Variants in ADGRG7 observed in about 807,000 individuals in gnomAD.
The protein encoded by ADGRG7 is G-protein coupled receptor 128.
ADGRG7 carries 82 observed loss-of-function variants against 88.6 expected under a neutral mutation model. The observed-to-expected ratio is 0.93, with a 90% CI of 0.77 to 1.11. ADGRG7 has a LOEUF of 1.11. ADGRG7 is among the 50% of genes most tolerant of loss of function. The probability of loss-of-function intolerance (pLI) is 0.00; values close to 1 mark genes in which losing one functional copy is unlikely to be tolerated. For synonymous variants in ADGRG7, 381 were observed against 345.2 expected (o/e 1.10, Z -1.15); for missense variants, 945 against 953.4 (o/e 0.99, Z 0.12).
intron 13 of ADGRG7, among the ~76,000 whole-genome samples, chr3:100,656,360 T>C (rs577215559): frequency 2.6e-5 from 4 of 152,200 alleles, no homozygotes; most frequent in Non-Finnish European, 5.9e-5. Context: ...ATTCCTGTTC[T>C]GGGGTTACTT....
At chr3:100,630,579 G>A (rs1173261400) in intron 2 of ADGRG7, 126 bp from the exon 3 acceptor site, 2 of 400,106 alleles carry the variant, frequency 5.0e-6, no homozygotes, top group Non-Finnish European at 8.7e-6. Context: ...TCACAGGCCA[G>A]TGGGTTCTAT....
intron 15 of ADGRG7, among the ~76,000 whole-genome samples, chr3:100,688,011 C>G (rs1319267839): frequency 4.6e-5 from 7 of 151,980 alleles, no homozygotes; most frequent in Admixed American, 2.6e-4. Context: ...TGGTACTGGA[C>G]TTTTTTTGGT....
intron 8 of ADGRG7, 119 bp from the exon 9 acceptor site, chr3:100,645,826 T>C: frequency 2.3e-6 from 2 of 880,552 alleles, no homozygotes; most frequent in Admixed American, 5.7e-5. Flanking sequence ...CAGTAAACCA[T>C]TTTTACTGTA....
At chr3:100,619,983 G>A (rs1487128572) in intron 1 of ADGRG7, among the ~76,000 whole-genome samples, 1 of 152,172 alleles carries the variant, frequency 6.6e-6, no homozygotes, top group Non-Finnish European at 1.5e-5. Flanking sequence ...AGAGGTATAA[G>A]GAGGAGCTGG....
At chr3:100,660,521 T>G (rs1006443289) in intron 14 of ADGRG7, among the ~76,000 whole-genome samples, 1 of 152,074 alleles carries the variant, frequency 6.6e-6, no homozygotes, top group South Asian at 2.1e-4. Flanking sequence ...AAGAGGCTGG[T>G]CTTGACCTCC....
In ADGRG7 at chr3:100,659,696, T is replaced by C. The variant is rs2094942571; in HGVS notation, c.1832T>C (p.Leu611Pro). ...LDYRQEKICW[L>P]AIPEPNGVIK... ...TTTTTTTTCCTCCACAGCTGCTGGC[T>C]GGCAATTCCAGAACCCAATGGTGTT... Residue 611 changes from leucine (L) to proline (P), a missense_variant, in exon 14 of 16, where the codon CTG (leucine) becomes CCG (proline). Leu to Pro is a moderately conservative substitution (Grantham distance 98, BLOSUM62 -3). Transcript: ENST00000273352. The C allele has an allele frequency of 1.1e-5, 17 of 1,613,352 alleles. No homozygotes were observed. The highest frequency in any genetic ancestry group is 1.4e-5 in the Non-Finnish European group (17 of 1,179,816).
At chr3:100,645,852 A>C in intron 8 of ADGRG7, 93 bp from the exon 9 acceptor site, 6 of 1,118,288 alleles carry the variant, frequency 5.4e-6, no homozygotes, top group Non-Finnish European at 7.7e-6. Flanking sequence ...CTCAAATATT[A>C]AGCAGCCATG....
chr3:100,636,985 CT>C (rs1707554014), intron 5 of ADGRG7, among the ~76,000 whole-genome samples: 1 of 152,084 alleles, frequency 6.6e-6, no homozygotes, highest in African/African-American at 2.4e-5. Context: ...TTTGTTTCTG[CT>C]TTTGAATCCA....
At chr3:100,630,655 A>T (rs1707447485) in intron 2 of ADGRG7, 50 bp from the exon 3 acceptor site, 1 of 921,582 alleles carries the variant, frequency 1.1e-6, no homozygotes, top group South Asian at 3.9e-5. Context: ...TCTGGTTTCA[A>T]TTTTTTTAAA....
In ADGRG7 at chr3:100,659,741, G is replaced by A. The variant is rs374537120; in HGVS notation, c.1877G>A (p.Trp626Ter). Residue 626 changes from tryptophan (W) to a stop codon, truncating the protein, a stop_gained, in exon 14 of 16, where the codon TGG becomes TAG. Coordinates refer to ENST00000273352, the MANE Select transcript of ADGRG7 (RefSeq NM_032787.3). LOFTEE classifies it high-confidence loss of function. Reference sequence around the variant, plus strand: ...GGTGTTATAAAAAGTCCGCTGTTGTGGTCATTCATCGTACCTGTAACCATT... The same window carrying A: ...GGTGTTATAAAAAGTCCGCTGTTGTAGTCATTCATCGTACCTGTAACCATT... ...PNGVIKSPLL[W>*]SFIVPVTIIL... The A allele has an allele frequency of 5.3e-5, 86 of 1,613,866 alleles. No individual in the cohort carries two copies. Among genetic ancestry groups the A allele is most frequent in the Non-Finnish European group, 7.3e-5 (86 of 1,179,978 alleles).
At chr3:100,610,254 A>G (rs1707128343) in intron 1 of ADGRG7, among the ~76,000 whole-genome samples, 1 of 152,240 alleles carries the variant, frequency 6.6e-6, no homozygotes, top group South Asian at 2.1e-4. Flanking sequence ...AGTAATAATT[A>G]AAACGATTAG....
intron 15 of ADGRG7, among the ~76,000 whole-genome samples, chr3:100,694,035 C>T (rs952128305): frequency 1.5e-4 from 23 of 152,114 alleles, no homozygotes; most frequent in African/African-American, 5.3e-4. Context: ...GTTGGGTGAT[C>T]GTGGACAAAC....
At chr3:100,641,193 C>A (rs1707636819) in intron 6 of ADGRG7, among the ~76,000 whole-genome samples, 1 of 152,008 alleles carries the variant, frequency 6.6e-6, no homozygotes, top group African/African-American at 2.4e-5. Flanking sequence ...CTGGGAAGCA[C>A]AAATTCCAAA....
In ADGRG7 at chr3:100,669,393, G is replaced by A. The variant is rs545768731; in HGVS notation, c.2136+288G>A. Reference sequence around the variant, plus strand: ...AGTCCCAGCTAGGGAGTAGTCTCCTGTAGTCTCCTCCTACTGTAATCTCCT... The same window carrying A: ...AGTCCCAGCTAGGGAGTAGTCTCCTATAGTCTCCTCCTACTGTAATCTCCT... On this transcript the variant is annotated intron_variant, in intron 15 of 15. Coordinates refer to ENST00000273352, the MANE Select transcript of ADGRG7 (RefSeq NM_032787.3). Among the ~76,000 whole-genome samples the A allele has an allele frequency of 1.1e-4, 16 of 152,082 alleles. 1 individual carries two copies. The highest frequency in any genetic ancestry group is 3.6e-4 in the African/African-American group (15 of 41,482).
chr3:100,648,290 T>C (rs1707790143), intron 10 of ADGRG7, among the ~76,000 whole-genome samples: 1 of 140,730 alleles, frequency 7.1e-6, no homozygotes, highest in African/African-American at 2.5e-5. Flanking sequence ...GCATTATTTT[T>C]TTAAATGGCT....
intron 14 of ADGRG7, chr3:100,664,960 C>A (rs761016172): frequency 6.5e-5 from 23 of 354,820 alleles, no homozygotes; most frequent in Non-Finnish European, 1.2e-4. Flanking sequence ...CTGTAAGTAA[C>A]AATGCATTTT....
rs542195251 is a variant in ADGRG7 at position 100,680,412 on chromosome 3, C to A, written c.2136+11307C>A. Among the ~76,000 whole-genome samples, 16 of 152,230 alleles carry A rather than the reference C, an allele frequency of 1.1e-4. No individual in the cohort carries two copies. The South Asian group carries it at 3.1e-3, about 30-fold the overall frequency. The stretch of plus-strand genomic sequence containing the variant: ...AGTCTTACGTTTTTATCCATTCTGG[C>A]AATCTCTTTTAATTGAGTGTTTAGT... On this transcript the variant is annotated intron_variant, in intron 15 of 15. Coordinates refer to ENST00000273352, the MANE Select transcript of ADGRG7 (RefSeq NM_032787.3).
At chr3:100,618,129 T>C (rs1707252043) in intron 1 of ADGRG7, among the ~76,000 whole-genome samples, 2 of 152,220 alleles carry the variant, frequency 1.3e-5, no homozygotes, top group African/African-American at 4.8e-5. Flanking sequence ...CTTTGTCAGA[T>C]GAGTAGATTG....
intron 6 of ADGRG7, among the ~76,000 whole-genome samples, chr3:100,642,803 C>A (rs1052208767): frequency 1.3e-5 from 2 of 152,174 alleles, no homozygotes; most frequent in Non-Finnish European, 2.9e-5. Context: ...TCCATCTGAA[C>A]TGTCACCTCA....
Sources: gnomAD v4.1 joint callset for allele counts (sites outside exome capture counted in the v4.1 genomes callset) on GRCh38, gnomAD v4.1.1 for gene constraint, MANE v1.5 for transcripts, NCBI Gene and HGNC (gene_info 2026-07-23, HGNC 2026-07-21) for gene names.